Variants in EIF2AK4 observed in about 807,000 individuals in gnomAD.
EIF2AK4 encodes the protein eukaryotic translation initiation factor 2 alpha kinase 4.
Under a neutral mutation model 211.1 loss-of-function variants are expected in EIF2AK4, and 139 were observed. The observed-to-expected ratio is 0.66, with a 90% CI of 0.57 to 0.76. The LOEUF (loss-of-function observed/expected upper bound fraction) is 0.76. Ranked by LOEUF, EIF2AK4 falls within the 30% of genes least tolerant of loss-of-function variation. The pLI, the probability that EIF2AK4 is intolerant of heterozygous loss-of-function variation, is 0.00. For synonymous variants in EIF2AK4, 710 were observed against 751.3 expected, an observed-to-expected ratio of 0.94 and a Z score of 0.90; for missense variants, 1,664 against 2,043.8, an observed-to-expected ratio of 0.81 and a Z score of 3.58.
At chr15:39,957,511 T>C (rs553559) in intron 6 of EIF2AK4, among the ~76,000 whole-genome samples, 110,875 of 152,150 alleles carry the variant, frequency 0.73, 42,237 homozygotes, top group East Asian at 0.99. Flanking sequence ...TTCTCAGGGA[T>C]GCCTTCCTGA....
intron 33 of EIF2AK4, 37 bp from the exon 34 acceptor site, chr15:40,029,369 G>A (rs1322525727): frequency 6.2e-7 from 1 of 1,609,562 alleles, no homozygotes; most frequent in Non-Finnish European, 8.5e-7. Flanking sequence ...GTGCCTTATT[G>A]ACTGTTCTTT....
Position 39,992,780 on chromosome 15 carries a change from G to T in EIF2AK4, c.2698G>T (p.Gly900Trp). 1 of 1,614,076 alleles carries T rather than the reference G, an allele frequency of 6.2e-7. No individual in the cohort carries two copies. The highest frequency in any genetic ancestry group is 1.7e-5 in the Admixed American group (1 of 60,022). The part of the protein sequence containing the change: ...IKSDPSGHLT[G>W]MVGTALYVSP... ...TTTCCTCCACACAGGTCACTTAACT[G>T]GGATGGTTGGCACTGCTCTCTATGT... The change falls in exon 18 of 39, where the codon GGG becomes TGG. Residue 900 changes from glycine to tryptophan, a missense_variant. Gly to Trp is a radical substitution (Grantham distance 184). Around this residue, in one of 7 missense-constraint regions of EIF2AK4, gnomAD observed 622 missense variants for 796.8 expected, o/e 0.78. Coordinates refer to ENST00000263791, the MANE Select transcript of EIF2AK4 (RefSeq NM_001013703.4).
At chr15:39,985,928 C>T in intron 14 of EIF2AK4, 40 bp downstream of exon 14, 1 of 1,579,942 alleles carries the variant, frequency 6.3e-7, no homozygotes, top group Non-Finnish European at 8.7e-7. Context: ...CAGCAACACC[C>T]AGTAGTGGCG....
chr15:40,016,212 C>T (rs2035300862), intron 27 of EIF2AK4, among the ~76,000 whole-genome samples: 1 of 152,206 alleles, frequency 6.6e-6, no homozygotes, highest in African/African-American at 2.4e-5. Flanking sequence ...AATGGAAGCT[C>T]TGCTAGTGCC....
intron 1 of EIF2AK4, 133 bp downstream of exon 1, chr15:39,934,472 A>T (rs1489998804): frequency 1.6e-6 from 2 of 1,279,636 alleles, no homozygotes; most frequent in East Asian, 2.8e-5. Flanking sequence ...GGTTCCACCC[A>T]TGCTCACTTT....
rs530887689 is a variant in EIF2AK4 at position 40,022,884 on chromosome 15, C to A, written c.4389+279C>A. Among the ~76,000 whole-genome samples, 21 of 152,292 alleles carry A rather than the reference C, an allele frequency of 1.4e-4. No homozygotes were observed. The East Asian group carries it at 3.9e-3, about 28-fold the overall frequency. ...CGGTAGCTGGGACTGCAGGTGCCCG[C>A]CACCACGCTCGGCTAATTTTTTGTA... On this transcript the variant is annotated intron_variant, in intron 32 of 38. Transcript: ENST00000263791.
intron 9 of EIF2AK4, 66 bp downstream of exon 9, chr15:39,967,945 G>A (rs900496505): frequency 1.3e-6 from 2 of 1,505,836 alleles, no homozygotes; most frequent in Non-Finnish European, 1.8e-6. Flanking sequence ...GCTGGAGTGT[G>A]CCAGACATCT....
intron 7 of EIF2AK4, among the ~76,000 whole-genome samples, chr15:39,964,889 C>G (rs1029251367): frequency 3.9e-5 from 6 of 152,304 alleles, no homozygotes; most frequent in Middle Eastern, 3.4e-3. Flanking sequence ...ATTTACTGAG[C>G]ATATTCAAAT....
intron 7 of EIF2AK4, among the ~76,000 whole-genome samples, chr15:39,962,583 T>C (rs1171530735): frequency 6.6e-6 from 1 of 152,208 alleles, no homozygotes; most frequent in Admixed American, 6.5e-5. Flanking sequence ...CTCAGCCTCC[T>C]GAATAGCTAG....
intron 34 of EIF2AK4, 96 bp from the exon 35 acceptor site, chr15:40,030,263 A>G: frequency 8.2e-7 from 1 of 1,213,328 alleles, no homozygotes; most frequent in Non-Finnish European, 1.2e-6. Context: ...GAATCACGAC[A>G]GGATGTCTAC....
rs780630022 is a variant in EIF2AK4, at chr15:40,001,110, G to A, written c.3045G>A (p.Leu1015=). 6.2e-7 allele frequency: 1 copy of A among 1,614,142 alleles called. No individual in the cohort carries two copies. The change falls in exon 21 of 39, where the codon CTG becomes CTA. Residue 1015 remains leucine, a synonymous_variant. Coordinates refer to ENST00000263791, the MANE Select transcript of EIF2AK4 (RefSeq NM_001013703.4). ...QMEESELHEV[L]HHTLTNVDGK... The stretch of plus-strand genomic sequence containing the variant: ...AGGAGTCAGAGCTGCATGAAGTGCT[G>A]CACCACACGCTGACCAACGTGGATG...
chr15:40,015,118 AGTTCC>A (rs2035287193), intron 27 of EIF2AK4, among the ~76,000 whole-genome samples: 1 of 152,202 alleles, frequency 6.6e-6, no homozygotes, highest in African/African-American at 2.4e-5. Context: ...GTCTCTAGGA[AGTTCC>A]AAACTTTCCC....
intron 25 of EIF2AK4, 109 bp downstream of exon 25, chr15:40,008,304 A>T (rs1005586175): frequency 1.0e-6 from 1 of 993,746 alleles, no homozygotes; most frequent in Non-Finnish European, 1.4e-6. Flanking sequence ...CCTGCAGATG[A>T]ATCACATCTT....
intron 24 of EIF2AK4, among the ~76,000 whole-genome samples, chr15:40,007,351 C>T (rs1161293002): frequency 6.6e-6 from 1 of 152,172 alleles, no homozygotes; most frequent in Non-Finnish European, 1.5e-5. Flanking sequence ...TTTTCACAAA[C>T]GGTTGCTTGA....
rs772569282 is a variant in EIF2AK4 at position 39,955,788 on chromosome 15, G to C, written c.743+20G>C. 3 of 1,564,978 alleles carry C rather than the reference G, an allele frequency of 1.9e-6. No individual in the cohort carries two copies. The Admixed American group carries it at 6.2e-5, about 33-fold the overall frequency. On this transcript the variant is annotated intron_variant, in intron 6 of 38. Coordinates refer to ENST00000263791, the MANE Select transcript of EIF2AK4 (RefSeq NM_001013703.4). Reference sequence around the variant, plus strand: ...GTCTAGGTAAGTCCCTGGGATTTCTGATCTGGGAGAATGACAGATGTAGAA... The same window carrying C: ...GTCTAGGTAAGTCCCTGGGATTTCTCATCTGGGAGAATGACAGATGTAGAA...
intron 29 of EIF2AK4, among the ~76,000 whole-genome samples, chr15:40,018,602 G>A (rs1246845395): frequency 6.6e-6 from 1 of 152,122 alleles, no homozygotes; most frequent in Non-Finnish European, 1.5e-5. Flanking sequence ...GATTGCGGGT[G>A]TGAGCCACCA....
In EIF2AK4 at chr15:40,032,251, TTTAG is replaced by T. The variant is rs1365824544; in HGVS notation, c.4728+16_4728+19del. 1 of 1,613,104 alleles carries T rather than the reference TTTAG, an allele frequency of 6.2e-7. No homozygotes were observed. The highest frequency in any genetic ancestry group is 8.5e-7 in the Non-Finnish European group (1 of 1,179,020). Reference sequence around the variant, plus strand: ...GAAATTCTGGCTGTAAGTGGCTTTCTTTAGTATTTTGAAGGTGGCTTCTGTCCAT... The same window carrying T: ...GAAATTCTGGCTGTAAGTGGCTTTCTTATTTTGAAGGTGGCTTCTGTCCAT... On this transcript the variant is annotated intron_variant, in intron 36 of 38. Coordinates refer to ENST00000263791, the MANE Select transcript of EIF2AK4 (RefSeq NM_001013703.4).
chr15:39,961,977 C>T (rs1039918156), intron 7 of EIF2AK4, 78 bp downstream of exon 7: 1 of 1,127,752 alleles, frequency 8.9e-7, no homozygotes, highest in African/African-American at 1.5e-5. Context: ...GGATTAGACA[C>T]TGTGTCATTC....
chr15:39,989,195 A>G (rs1326966092), intron 15 of EIF2AK4, among the ~76,000 whole-genome samples: 1 of 152,212 alleles, frequency 6.6e-6, no homozygotes. Context: ...AGAAATTGCC[A>G]TTATAATATA....
Sources: allele counts gnomAD v4.1 joint callset (sites outside exome capture counted in the v4.1 genomes callset), GRCh38; gene constraint gnomAD v4.1.1; regional missense constraint gnomAD v4.1.1; transcripts MANE v1.5; gene names NCBI Gene and HGNC (gene_info 2026-07-23, HGNC 2026-07-21).